Variants in HS3ST4 observed in about 807,000 individuals in gnomAD.
HS3ST4 encodes the protein heparan sulfate glucosamine 3-O-sulfotransferase 4.
Under a neutral mutation model 29.2 loss-of-function variants are expected in HS3ST4, and 17 were observed. The observed-to-expected ratio is 0.58, with a 90% CI of 0.40 to 0.87. HS3ST4 has a LOEUF of 0.87. Ranked by LOEUF, HS3ST4 falls within the 40% of genes least tolerant of loss-of-function variation. The pLI is 0.00. For synonymous variants in HS3ST4, 314 were observed against 285.7 expected (o/e 1.10, Z -1.00); for missense variants, 627 against 634.5 (o/e 0.99, Z 0.13).
At chr16:25,789,489 CTTCT>C (rs144359396) in intron 1 of HS3ST4, among the ~76,000 whole-genome samples, 37 of 123,266 alleles carry the variant, frequency 3.0e-4, no homozygotes, top group African/African-American at 7.8e-4. Flanking sequence ...TTTCTCTTTC[CTTCT>C]TTCTTTCTTT....
intron 1 of HS3ST4, among the ~76,000 whole-genome samples, chr16:26,057,481 G>A (rs555331799): frequency 1.4e-4 from 22 of 152,306 alleles, no homozygotes; most frequent in African/African-American, 3.8e-4. Flanking sequence ...CAGGCTGGGC[G>A]CGGTGGCTCA....
chr16:25,838,866 C>T (rs2141643545), intron 1 of HS3ST4, among the ~76,000 whole-genome samples: 1 of 152,270 alleles, frequency 6.6e-6, no homozygotes, highest in East Asian at 1.9e-4. Context: ...GGGGAGGTGC[C>T]ACCAGAGAAT....
chr16:25,877,041 C>T (rs1249333334), intron 1 of HS3ST4, among the ~76,000 whole-genome samples: 1 of 151,912 alleles, frequency 6.6e-6, no homozygotes, highest in Admixed American at 6.6e-5. Context: ...AAATGTTTAT[C>T]GAATGAAAGG....
intron 1 of HS3ST4, among the ~76,000 whole-genome samples, chr16:25,957,955 G>T (rs530300555): frequency 6.6e-6 from 1 of 152,196 alleles, no homozygotes; most frequent in Admixed American, 6.5e-5. Context: ...CTTGTAAGGA[G>T]GTCTCACACT....
intron 1 of HS3ST4, among the ~76,000 whole-genome samples, chr16:25,877,654 C>A (rs1246554812): frequency 2.0e-5 from 3 of 152,166 alleles, no homozygotes; most frequent in South Asian, 2.1e-4. Context: ...AGCATAGCCC[C>A]TGCTGACACT....
At chr16:25,772,795 A>AT (rs1966844111) in intron 1 of HS3ST4, among the ~76,000 whole-genome samples, 1 of 152,160 alleles carries the variant, frequency 6.6e-6, no homozygotes, top group African/African-American at 2.4e-5. Flanking sequence ...AACGTTTGAC[A>AT]TTTCATTTTC....
At chr16:25,784,532 G>A (rs1966855646) in intron 1 of HS3ST4, among the ~76,000 whole-genome samples, 1 of 152,192 alleles carries the variant, frequency 6.6e-6, no homozygotes, top group Non-Finnish European at 1.5e-5. Flanking sequence ...CTGATATGGG[G>A]GAAGTTTTAG....
intron 1 of HS3ST4, among the ~76,000 whole-genome samples, chr16:25,746,520 A>T (rs1966686288): frequency 6.6e-6 from 1 of 151,566 alleles, no homozygotes; most frequent in Non-Finnish European, 1.5e-5. Context: ...TAAAACTTTG[A>T]GTCAAAAGTT....
chr16:26,110,833 C>T (rs578139335), intron 1 of HS3ST4, among the ~76,000 whole-genome samples: 10 of 152,194 alleles, frequency 6.6e-5, no homozygotes, highest in African/African-American at 1.9e-4. Flanking sequence ...CCCTCTCTCA[C>T]GCTCTCCAGC....
At chr16:25,841,930 A>G (rs914063824) in intron 1 of HS3ST4, among the ~76,000 whole-genome samples, 7 of 152,250 alleles carry the variant, frequency 4.6e-5, no homozygotes, top group African/African-American at 1.7e-4. Context: ...AATCAGTACA[A>G]ATTGTAATGG....
intron 1 of HS3ST4, among the ~76,000 whole-genome samples, chr16:25,788,383 C>A (rs1402952785): frequency 2.0e-5 from 3 of 148,494 alleles, no homozygotes; most frequent in Non-Finnish European, 4.4e-5. Flanking sequence ...CCATTGCACT[C>A]CAGCCTGGGC....
At chr16:26,109,560 G>A (rs1252291515) in intron 1 of HS3ST4, among the ~76,000 whole-genome samples, 1 of 151,988 alleles carries the variant, frequency 6.6e-6, no homozygotes, top group African/African-American at 2.4e-5. Flanking sequence ...GGAGGCTCCT[G>A]CTCCCCCAGG....
intron 1 of HS3ST4, among the ~76,000 whole-genome samples, chr16:25,760,572 C>CCACA (rs1966783200): frequency 6.6e-6 from 1 of 152,048 alleles, no homozygotes; most frequent in African/African-American, 2.4e-5. Context: ...GCACCTGCCA[C>CCACA]CACACCTAGC....
intron 1 of HS3ST4, among the ~76,000 whole-genome samples, chr16:25,949,347 A>G (rs1374644588): frequency 6.6e-6 from 1 of 152,006 alleles, no homozygotes; most frequent in Non-Finnish European, 1.5e-5. Flanking sequence ...CACCGTCCCC[A>G]CCTTACCTCC....
intron 1 of HS3ST4, among the ~76,000 whole-genome samples, chr16:26,028,257 A>C (rs1359499048): frequency 2.3e-5 from 3 of 131,444 alleles, no homozygotes; most frequent in Non-Finnish European, 4.7e-5. Flanking sequence ...TGGGTGACAG[A>C]GTGAGACACC....
intron 1 of HS3ST4, among the ~76,000 whole-genome samples, chr16:25,758,729 G>A (rs901064917): frequency 1.3e-5 from 2 of 152,142 alleles, no homozygotes; most frequent in African/African-American, 4.8e-5. Flanking sequence ...GCTGAAGTGG[G>A]CAGATCACCT....
chr16:25,710,930 C>T (rs895226325), intron 1 of HS3ST4, among the ~76,000 whole-genome samples: 5 of 150,242 alleles, frequency 3.3e-5, no homozygotes, highest in Non-Finnish European at 5.9e-5. Flanking sequence ...GATCCTCCAG[C>T]CTCAGCCTCC....
intron 1 of HS3ST4, among the ~76,000 whole-genome samples, chr16:25,801,566 C>G (rs1050178332): frequency 6.6e-6 from 1 of 152,118 alleles, no homozygotes; most frequent in African/African-American, 2.4e-5. Flanking sequence ...TTTTCTCATA[C>G]CCTGGAGGAA....
chr16:25,756,448 T>C (rs1966759452), intron 1 of HS3ST4, among the ~76,000 whole-genome samples: 1 of 152,124 alleles, frequency 6.6e-6, no homozygotes, highest in African/African-American at 2.4e-5. Flanking sequence ...TGAGGGATGA[T>C]TAAGACAAGA....
Sources: gnomAD v4.1 joint callset for allele counts (sites outside exome capture counted in the v4.1 genomes callset) on GRCh38, gnomAD v4.1.1 for gene constraint, MANE v1.5 for transcripts, NCBI Gene and HGNC (gene_info 2026-07-23, HGNC 2026-07-21) for gene names.